Variants in GALNTL6 observed in about 807,000 individuals in gnomAD.
The protein encoded by GALNTL6 is polypeptide N-acetylgalactosaminyltransferase-like 6.
A neutral mutation model predicts 73.7 loss-of-function variants in GALNTL6; 46 were observed. The observed-to-expected ratio is 0.62, with a 90% CI of 0.49 to 0.80. GALNTL6 has a LOEUF of 0.80. Ranked by LOEUF, GALNTL6 falls within the 30% of genes least tolerant of loss-of-function variation. The pLI, the probability that GALNTL6 is intolerant of heterozygous loss-of-function variation, is 0.00. For synonymous variants in GALNTL6, 259 were observed against 263.7 expected (o/e 0.98, Z 0.17); for missense variants, 604 against 755.0 (o/e 0.80, Z 2.34).
intron 5 of GALNTL6, among the ~76,000 whole-genome samples, chr4:172,677,654 G>A (rs1476830601): frequency 1.3e-5 from 2 of 152,070 alleles, no homozygotes. Flanking sequence ...CAGCCACGGT[G>A]GCCAACACCT....
At chr4:172,388,971 G>T (rs1180304367) in intron 5 of GALNTL6, among the ~76,000 whole-genome samples, 2 of 151,824 alleles carry the variant, frequency 1.3e-5, no homozygotes, top group East Asian at 3.9e-4. Context: ...TATTTTCTTG[G>T]TTTTTCCAAT....
intron 5 of GALNTL6, among the ~76,000 whole-genome samples, chr4:172,802,901 G>A (rs892094807): frequency 5.3e-5 from 8 of 152,296 alleles, no homozygotes; most frequent in East Asian, 1.9e-4. Context: ...CCAGAGGAAG[G>A]TCTTCAAAAT....
In GALNTL6 at chr4:172,172,261, G is replaced by A. The variant is rs946002718; in HGVS notation, c.139-57395G>A. Among the ~76,000 whole-genome samples the A allele has an allele frequency of 1.2e-4, 19 of 152,114 alleles. No individual in the cohort carries two copies. The East Asian group carries it at 3.7e-3, about 29-fold the overall frequency. ...CGCCTGGGCTGGAGCACAGTGGTGC[G>A]ATCTCGGCTCACTGCAACCTCTGCC... On this transcript the variant is annotated intron_variant, in intron 2 of 12. Coordinates refer to ENST00000506823, the MANE Select transcript of GALNTL6 (RefSeq NM_001034845.3).
chr4:172,539,387 ATT>A (rs752488512), intron 5 of GALNTL6, among the ~76,000 whole-genome samples: 2 of 152,292 alleles, frequency 1.3e-5, no homozygotes, highest in Non-Finnish European at 2.9e-5. Context: ...AGCTGAATGA[ATT>A]TTTTATGTTT....
chr4:171,924,475 T>C (rs979011730), intron 2 of GALNTL6, among the ~76,000 whole-genome samples: 1 of 152,164 alleles, frequency 6.6e-6, no homozygotes, highest in East Asian at 1.9e-4. Flanking sequence ...GGTGGAATGA[T>C]GGACTATTTA....
intron 5 of GALNTL6, among the ~76,000 whole-genome samples, chr4:172,687,543 G>A (rs887933041): frequency 1.3e-5 from 2 of 149,806 alleles, no homozygotes; most frequent in South Asian, 2.1e-4. Context: ...AAGGAGAATC[G>A]CTTGAACCCG....
At chr4:172,747,307 C>A (rs1462554177) in intron 5 of GALNTL6, among the ~76,000 whole-genome samples, 1 of 151,970 alleles carries the variant, frequency 6.6e-6, no homozygotes, top group Non-Finnish European at 1.5e-5. Context: ...GAAACTCAAA[C>A]TACTCAATGA....
At chr4:172,379,422 T>C (rs964115355) in intron 5 of GALNTL6, among the ~76,000 whole-genome samples, 8 of 149,086 alleles carry the variant, frequency 5.4e-5, no homozygotes, top group African/African-American at 9.9e-5. Flanking sequence ...CCCAGCTACT[T>C]GGGAGGCTGA....
chr4:172,399,825 T>TTTTA (rs1406209209), intron 5 of GALNTL6, among the ~76,000 whole-genome samples: 1 of 152,152 alleles, frequency 6.6e-6, no homozygotes, highest in Non-Finnish European at 1.5e-5. Context: ...TGAAGACTTA[T>TTTTA]TTTATTCTTT....
chr4:172,182,760 T>A (rs35298205), intron 2 of GALNTL6, among the ~76,000 whole-genome samples: 11 of 151,932 alleles, frequency 7.2e-5, no homozygotes, highest in African/African-American at 9.7e-5. Context: ...TATAAAAAAA[T>A]TTATTATGAC....
intron 7 of GALNTL6, among the ~76,000 whole-genome samples, chr4:172,880,069 G>A (rs1428651281): frequency 1.3e-5 from 2 of 152,010 alleles, no homozygotes; most frequent in Admixed American, 1.3e-4. Flanking sequence ...ATAGAAAATG[G>A]TACAGCCACT....
chr4:172,813,499 G>A (rs1323367436), intron 6 of GALNTL6, 41 bp from the exon 7 acceptor site: 1 of 1,520,944 alleles, frequency 6.6e-7, no homozygotes, highest in Non-Finnish European at 9.0e-7. Context: ...AGATGACCTA[G>A]GCAGGCATGT....
At chr4:172,311,860 C>A (rs1482091675) in intron 4 of GALNTL6, 108 bp downstream of exon 4, 4 of 746,048 alleles carry the variant, frequency 5.4e-6, no homozygotes, top group Non-Finnish European at 8.1e-6. Context: ...AATATTTTAT[C>A]CTAATAATTT....
chr4:172,091,285 T>G (rs1579129037), intron 2 of GALNTL6, among the ~76,000 whole-genome samples: 1 of 152,302 alleles, frequency 6.6e-6, no homozygotes, highest in South Asian at 2.1e-4. Context: ...TTGCTGGAAC[T>G]TGTTCATCAG....
chr4:172,270,878 A>G (rs1189255941), intron 3 of GALNTL6, among the ~76,000 whole-genome samples: 1 of 152,212 alleles, frequency 6.6e-6, no homozygotes, highest in Non-Finnish European at 1.5e-5. Context: ...ATTTCCTCCA[A>G]GAAAATCAAA....
At chr4:172,952,931 A>G (rs189101133) in intron 10 of GALNTL6, among the ~76,000 whole-genome samples, 1 of 152,236 alleles carries the variant, frequency 6.6e-6, no homozygotes, top group African/African-American at 2.4e-5. Context: ...TGGGCACCTG[A>G]TATACGTGAT....
At chr4:172,225,956 A>G (rs1312103729) in intron 2 of GALNTL6, among the ~76,000 whole-genome samples, 2 of 152,170 alleles carry the variant, frequency 1.3e-5, no homozygotes, top group Admixed American at 6.5e-5. Flanking sequence ...CACTACCATT[A>G]TAAAGTGTTT....
chr4:172,455,864 C>T (rs1402727324), intron 5 of GALNTL6, among the ~76,000 whole-genome samples: 1 of 152,212 alleles, frequency 6.6e-6, no homozygotes, highest in African/African-American at 2.4e-5. Flanking sequence ...GACAGACTGC[C>T]TCCTCAAGTG....
chr4:171,974,458 C>T (rs1215360383), intron 2 of GALNTL6, among the ~76,000 whole-genome samples: 3 of 152,190 alleles, frequency 2.0e-5, no homozygotes, highest in Middle Eastern at 3.4e-3. Context: ...TCACATTTAT[C>T]CTGATTCTTT....
Sources: allele counts gnomAD v4.1 joint callset (sites outside exome capture counted in the v4.1 genomes callset), GRCh38; gene constraint gnomAD v4.1.1; transcripts MANE v1.5; gene names NCBI Gene and HGNC (gene_info 2026-07-23, HGNC 2026-07-21).